The following LRRN1 variants were observed in gnomAD, a reference collection of about 807,000 sequenced individuals.
LRRN1 encodes leucine rich repeat neuronal 1, also known as leucine-rich repeat neuronal protein 1.
In LRRN1, 14 loss-of-function variants were observed where a neutral mutation model predicts 45.8. That is an observed-to-expected ratio of 0.31 (90% CI 0.20 to 0.48). The LOEUF is 0.48. LRRN1 is among the 20% of genes least tolerant of loss of function. The pLI, the probability that LRRN1 is intolerant of heterozygous loss-of-function variation, is 0.99. For synonymous variants in LRRN1, 359 were observed against 330.1 expected, an observed-to-expected ratio of 1.09 and a Z score of -0.95; for missense variants, 789 against 874.2, an observed-to-expected ratio of 0.90 and a Z score of 1.23.
Position 3,805,846 on chromosome 3 carries a change from C to T in LRRN1, c.-279+5927C>T, listed in dbSNP as rs370815670. 2.6e-3 allele frequency among the ~76,000 whole-genome samples: 397 copies of T among 152,302 alleles called. 1 individual carries two copies. The highest frequency in any genetic ancestry group is 8.9e-3 in the African/African-American group (370 of 41,556). On this transcript the variant is annotated intron_variant, in intron 1 of 1. Transcript: ENST00000319331. The stretch of plus-strand genomic sequence containing the variant: ...GTTCACCTCACAAGTATATATTGAG[C>T]ACCTGCTGTATGCCAGGCATTACAG...
chr3:3,845,822 C>T lies in LRRN1; in HGVS notation c.1181C>T (p.Pro394Leu). The T allele has an allele frequency of 6.2e-7, 1 of 1,614,108 alleles. No individual in the cohort carries two copies. The highest frequency in any genetic ancestry group is 8.5e-7 in the Non-Finnish European group (1 of 1,180,016). Residue 394 changes from proline to leucine, a missense_variant, in exon 2 of 2, where the codon CCC (proline) becomes CTC (leucine). Coordinates refer to ENST00000319331, the MANE Select transcript of LRRN1 (RefSeq NM_020873.7). This position sits in a 1 kb window ranked among gnomAD's most constrained non-coding sequence, Gnocchi z 6.5. The stretch of plus-strand genomic sequence containing the variant: ...AAAACCAACATCCGCTTCATGGAGC[C>T]CCTGTCCATGTTCTGTGCCATGCCG... ...SNKTNIRFME[P>L]LSMFCAMPPE...
chr3:3,828,330 C>A (rs940258375), intron 1 of LRRN1, among the ~76,000 whole-genome samples: 1 of 151,854 alleles, frequency 6.6e-6, no homozygotes, highest in Admixed American at 6.6e-5. Flanking sequence ...GCATCCAGCA[C>A]GGGAGAAAGA....
intron 1 of LRRN1, among the ~76,000 whole-genome samples, chr3:3,807,114 T>A (rs1028891022): frequency 1.3e-5 from 2 of 152,274 alleles, no homozygotes; most frequent in East Asian, 3.9e-4. Context: ...GGTTAAAAAG[T>A]ATCATGCAGA....
intron 1 of LRRN1, among the ~76,000 whole-genome samples, chr3:3,834,205 G>A (rs1158851554): frequency 6.6e-6 from 1 of 151,892 alleles, no homozygotes; most frequent in Non-Finnish European, 1.5e-5. Context: ...CAGCTTCATT[G>A]TGTTCCTCGG....
intron 1 of LRRN1, among the ~76,000 whole-genome samples, chr3:3,826,236 G>C (rs1248308400): frequency 6.6e-6 from 1 of 152,140 alleles, no homozygotes. Flanking sequence ...GGAAGAGAAA[G>C]GGAGGGAGGA....
chr3:3,832,205 C>T (rs1017399925), intron 1 of LRRN1, among the ~76,000 whole-genome samples: 3 of 152,188 alleles, frequency 2.0e-5, no homozygotes, highest in African/African-American at 7.2e-5. Context: ...GGTGGTGGCA[C>T]TAATCTCTGC....
intron 1 of LRRN1, among the ~76,000 whole-genome samples, chr3:3,837,933 T>C (rs1693559734): frequency 6.6e-6 from 1 of 152,086 alleles, no homozygotes; most frequent in African/African-American, 2.4e-5. Context: ...CCTCCCTGTG[T>C]GTCCATGTGT....
Position 3,846,630 on chromosome 3 carries a change from C to G in LRRN1, c.1989C>G (p.His663Gln). Reference protein sequence around the residue: ...AKRFKRKNYHHSLKKYMQKTS... With the variant: ...AKRFKRKNYHQSLKKYMQKTS... ...GATTTAAGAGAAAAAACTACCACCA[C>G]TCATTAAAAAAGTATATGCAAAAAA... is the stretch of plus-strand genomic sequence containing the variant. Residue 663 changes from histidine to glutamine, a missense_variant, in exon 2 of 2, where the codon CAC becomes CAG. Transcript: ENST00000319331. The surrounding 1 kb of genome is among the most constrained non-coding windows in gnomAD (Gnocchi z 5.7). 1.9e-6 allele frequency: 3 copies of G among 1,614,064 alleles called. No homozygotes were observed. The highest frequency in any genetic ancestry group is 2.5e-6 in the Non-Finnish European group (3 of 1,180,018).
chr3:3,799,703 A>C lies in LRRN1; in HGVS notation c.-495A>C. On this transcript the variant is annotated 5_prime_UTR_variant, in exon 1 of 2. Coordinates refer to ENST00000319331, the MANE Select transcript of LRRN1 (RefSeq NM_020873.7). ...CCGACTGAGCCCAGCCCCGTGCAGC[A>C]GCGGTTGCCTGTGTCGCCGCCTAGT... The C allele has an allele frequency of 6.5e-6, 1 of 154,008 alleles. No individual in the cohort carries two copies. The highest frequency in any genetic ancestry group is 1.8e-4 in the South Asian group (1 of 5,524). 9.5% of individuals were successfully genotyped at this position (154,008 alleles called of 1,614,324 possible).
chr3:3,809,840 T>G (rs1215807170), intron 1 of LRRN1, among the ~76,000 whole-genome samples: 2 of 152,194 alleles, frequency 1.3e-5, no homozygotes, highest in African/African-American at 4.8e-5. Flanking sequence ...AGGTACATAC[T>G]TAGTATACAG....
intron 1 of LRRN1, among the ~76,000 whole-genome samples, chr3:3,818,917 C>T (rs1693042576): frequency 6.6e-6 from 1 of 152,062 alleles, no homozygotes. Context: ...AAAGTCAGGA[C>T]TCTAAGTATT....
At chr3:3,807,539 A>G (rs1312668229) in intron 1 of LRRN1, among the ~76,000 whole-genome samples, 1 of 152,172 alleles carries the variant, frequency 6.6e-6, no homozygotes, top group East Asian at 1.9e-4. Flanking sequence ...GCACGTCAGA[A>G]CGAGTTTTGG....
In LRRN1 at chr3:3,845,396, T is replaced by C; in HGVS notation, c.755T>C (p.Val252Ala). 1 of 1,614,092 alleles carries C rather than the reference T, an allele frequency of 6.2e-7. No homozygotes were observed. Among genetic ancestry groups the C allele is most frequent in the Middle Eastern group, 1.7e-4 (1 of 6,060 alleles). Residue 252 changes from valine to alanine, a missense_variant, in exon 2 of 2, where the codon GTT (valine) becomes GCT (alanine). Transcript: ENST00000319331. The surrounding 1 kb of genome is among the most constrained non-coding windows in gnomAD (Gnocchi z 6.5). ...CTGTCTTTTTATGATAACAAACTGGTTAAAGTCCCTCAACTTGCCCTGCAA... is the reference window on the plus strand; with the variant it reads ...CTGTCTTTTTATGATAACAAACTGGCTAAAGTCCCTCAACTTGCCCTGCAA... The part of the protein sequence containing the change: ...ESLSFYDNKL[V>A]KVPQLALQKV...
intron 1 of LRRN1, among the ~76,000 whole-genome samples, chr3:3,836,199 G>T (rs1211978013): frequency 6.6e-6 from 1 of 151,762 alleles, no homozygotes; most frequent in Non-Finnish European, 1.5e-5. Flanking sequence ...CGCTTTTTTT[G>T]TGGTAAAAAC....
chr3:3,835,013 G>A (rs1693476012), intron 1 of LRRN1, among the ~76,000 whole-genome samples: 1 of 152,004 alleles, frequency 6.6e-6, no homozygotes, highest in South Asian at 2.1e-4. Flanking sequence ...CCAGGCCCTA[G>A]GCTGAATATT....
At chr3:3,841,442 A>G (rs149846196) in intron 1 of LRRN1, among the ~76,000 whole-genome samples, 230 of 152,258 alleles carry the variant, frequency 1.5e-3, no homozygotes, top group African/African-American at 5.3e-3. Flanking sequence ...CTGTTTCAAG[A>G]TTACTCTAAA....
At chr3:3,837,928 C>T (rs892804697) in intron 1 of LRRN1, among the ~76,000 whole-genome samples, 6 of 152,074 alleles carry the variant, frequency 3.9e-5, no homozygotes, top group Admixed American at 2.0e-4. Flanking sequence ...GTTCCCCTCC[C>T]TGTGTGTCCA....
intron 1 of LRRN1, among the ~76,000 whole-genome samples, chr3:3,823,891 T>C (rs1487665508): frequency 1.3e-5 from 2 of 152,138 alleles, no homozygotes; most frequent in Admixed American, 1.3e-4. Flanking sequence ...GAACAAAGCA[T>C]CAAATACTCA....
At chr3:3,833,305 C>G (rs1693409448) in intron 1 of LRRN1, among the ~76,000 whole-genome samples, 1 of 152,206 alleles carries the variant, frequency 6.6e-6, no homozygotes, top group African/African-American at 2.4e-5. Flanking sequence ...AGCTTGCTCA[C>G]TGTGGGCCAT....
Sources: allele counts gnomAD v4.1 joint callset (sites outside exome capture counted in the v4.1 genomes callset), GRCh38; gene constraint gnomAD v4.1.1; non-coding constraint Gnocchi (gnomAD v3.1); transcripts MANE v1.5; gene names NCBI Gene and HGNC (gene_info 2026-07-23, HGNC 2026-07-21).